The following STPG2 variants were observed in gnomAD, a reference collection of about 807,000 sequenced individuals.
The protein encoded by STPG2 is sperm tail PG-rich repeat containing 2, also known as sperm-tail PG-rich repeat-containing protein 2.
STPG2 carries 56 observed loss-of-function variants against 54.2 expected under a neutral mutation model. That is an observed-to-expected ratio of 1.03 (90% CI 0.83 to 1.29). The LOEUF (loss-of-function observed/expected upper bound fraction) is 1.29. STPG2 is among the 50% of genes most tolerant of loss of function. STPG2 has a pLI of 0.00. For synonymous variants in STPG2, 200 were observed against 181.8 expected, an observed-to-expected ratio of 1.10 and a Z score of -0.81; for missense variants, 596 against 544.9, an observed-to-expected ratio of 1.09 and a Z score of -0.93.
chr4:98,030,300 G>A (rs1408215207), intron 5 of STPG2, among the ~76,000 whole-genome samples: 1 of 152,088 alleles, frequency 6.6e-6, no homozygotes, highest in African/African-American at 2.4e-5. Flanking sequence ...AGCTCACATA[G>A]GCAAATTACA....
Position 97,813,604 on chromosome 4 carries a change from G to A in STPG2, c.1204+27169C>T, listed in dbSNP as rs896900364. Among the ~76,000 whole-genome samples, 5 of 135,036 alleles carry A rather than the reference G, an allele frequency of 3.7e-5. No individual in the cohort carries two copies. In the East Asian group the frequency reaches 1.1e-3, roughly 31 times the overall value. 88.6% of individuals were successfully genotyped at this position (135,036 alleles called of 152,430 possible). On this transcript the variant is annotated intron_variant, in intron 9 of 10. Transcript: ENST00000295268. ...TGCCTATATTCCCAGCTACTCAGGAGTCTGAAACAGGAGAATTGCTTGAGC... is the reference window on the plus strand; with the variant it reads ...TGCCTATATTCCCAGCTACTCAGGAATCTGAAACAGGAGAATTGCTTGAGC...
At chr4:97,931,429 T>C (rs1172173226) in intron 8 of STPG2, among the ~76,000 whole-genome samples, 1 of 152,226 alleles carries the variant, frequency 6.6e-6, no homozygotes, top group African/African-American at 2.4e-5. Context: ...TTTCTGAAGC[T>C]ATTGAGATAA....
At chr4:97,911,413 T>C (rs966476832) in intron 8 of STPG2, among the ~76,000 whole-genome samples, 3 of 151,894 alleles carry the variant, frequency 2.0e-5, no homozygotes, top group African/African-American at 7.3e-5. Context: ...CCAGTGGCAA[T>C]AGGTTGGAGA....
chr4:97,578,271 A>C (rs894755285), intron 10 of STPG2, among the ~76,000 whole-genome samples: 2 of 151,894 alleles, frequency 1.3e-5, no homozygotes, highest in Non-Finnish European at 2.9e-5. Context: ...CTCCCAGCTA[A>C]ATTTGTGTAT....
chr4:97,972,445 A>G lies in STPG2; in HGVS notation c.773-5T>C. ...AGACATTATAAAATCCAGGACCTAA[A>G]ATTATTAGAAGTATCATATATAAGA... On this transcript the variant is annotated splice_region_variant and splice_polypyrimidine_tract_variant and intron_variant, in intron 6 of 10. Coordinates refer to ENST00000295268, the MANE Select transcript of STPG2 (RefSeq NM_174952.3). 1.4e-6 allele frequency: 2 copies of G among 1,467,958 alleles called. No individual in the cohort carries two copies. The highest frequency in any genetic ancestry group is 1.8e-6 in the Non-Finnish European group (2 of 1,092,416). The allele number at this position is 1,467,958 out of a possible 1,614,324, so 90.9% of individuals were successfully genotyped here. A position where few individuals can be genotyped will look rare whatever the true frequency, so the allele number is the denominator to read the frequency against.
chr4:97,493,550 A>C (rs920141785), intron 4 of STPG2, among the ~76,000 whole-genome samples: 1 of 151,482 alleles, frequency 6.6e-6, no homozygotes, highest in African/African-American at 2.4e-5. Flanking sequence ...AGGGATATAC[A>C]AGTTATCACA....
chr4:97,456,756 T>A (rs2148803640), intron 4 of STPG2, among the ~76,000 whole-genome samples: 1 of 150,150 alleles, frequency 6.7e-6, no homozygotes, highest in Non-Finnish European at 1.5e-5. Context: ...ATTAGCCAGG[T>A]GTGGTGGCAG....
chr4:97,681,171 A>C (rs1462177384), intron 10 of STPG2, among the ~76,000 whole-genome samples: 1 of 151,868 alleles, frequency 6.6e-6, no homozygotes, highest in Non-Finnish European at 1.5e-5. Context: ...GATGATGAAA[A>C]TTTTTTTAAA....
chr4:97,933,661 A>T (rs1248226692), intron 8 of STPG2, among the ~76,000 whole-genome samples: 3 of 152,172 alleles, frequency 2.0e-5, no homozygotes, highest in Non-Finnish European at 4.4e-5. Context: ...TTTGTCAAAG[A>T]TCAGATGGTT....
At chr4:97,565,880 A>G (rs1382056822) in intron 10 of STPG2, among the ~76,000 whole-genome samples, 2 of 152,176 alleles carry the variant, frequency 1.3e-5, no homozygotes, top group Admixed American at 1.3e-4. Context: ...CTCAGAGGTC[A>G]GGGATCAGGG....
chr4:97,795,166 C>T (rs1727124694), intron 9 of STPG2, among the ~76,000 whole-genome samples: 2 of 152,012 alleles, frequency 1.3e-5, no homozygotes, highest in East Asian at 1.9e-4. Context: ...TGCTCCAAAA[C>T]ACATGTGTTT....
chr4:97,663,171 T>A (rs981350945), intron 10 of STPG2, among the ~76,000 whole-genome samples: 7 of 152,264 alleles, frequency 4.6e-5, no homozygotes, highest in Admixed American at 3.3e-4. Flanking sequence ...ACTGAAAAAG[T>A]TGGTGAAGTC....
chr4:97,510,915 C>G (rs1191332891), intron 4 of STPG2, among the ~76,000 whole-genome samples: 2 of 152,070 alleles, frequency 1.3e-5, no homozygotes, highest in Non-Finnish European at 2.9e-5. Context: ...CTGTACATCG[C>G]TGTGATAATG....
intron 10 of STPG2, among the ~76,000 whole-genome samples, chr4:97,570,874 G>A (rs970857227): frequency 6.6e-6 from 1 of 152,094 alleles, no homozygotes; most frequent in South Asian, 2.1e-4. Flanking sequence ...ACATATCTGT[G>A]AAATATACGC....
chr4:97,450,271 C>T (rs1462911765), intron 4 of STPG2, among the ~76,000 whole-genome samples: 1 of 152,136 alleles, frequency 6.6e-6, no homozygotes, highest in East Asian at 1.9e-4. Context: ...CTTATTCCCT[C>T]CTTCTTTTAT....
At chr4:97,865,904 C>T (rs1348916639) in intron 8 of STPG2, among the ~76,000 whole-genome samples, 4 of 151,548 alleles carry the variant, frequency 2.6e-5, no homozygotes, top group Non-Finnish European at 4.4e-5. Flanking sequence ...GAATGGAATA[C>T]TAGGTAGCCA....
At chr4:97,707,387 G>C (rs1307550090) in intron 10 of STPG2, among the ~76,000 whole-genome samples, 1 of 152,074 alleles carries the variant, frequency 6.6e-6, no homozygotes, top group Non-Finnish European at 1.5e-5. Flanking sequence ...CAGGTATGGT[G>C]GTGCGTGCTT....
intron 10 of STPG2, among the ~76,000 whole-genome samples, chr4:97,633,243 C>CT (rs766254218): frequency 2.6e-5 from 4 of 152,008 alleles, no homozygotes; most frequent in Non-Finnish European, 5.9e-5. Flanking sequence ...AAATACAAAA[C>CT]TTTAACGTTT....
chr4:97,552,823 T>C (rs571475339), intron 4 of STPG2, among the ~76,000 whole-genome samples: 15 of 152,260 alleles, frequency 9.9e-5, no homozygotes, highest in African/African-American at 3.6e-4. Flanking sequence ...TCTCAATGCA[T>C]CCGAGCAGTT....
Sources: allele counts gnomAD v4.1 joint callset (sites outside exome capture counted in the v4.1 genomes callset), GRCh38; gene constraint gnomAD v4.1.1; transcripts MANE v1.5; gene names NCBI Gene and HGNC (gene_info 2026-07-23, HGNC 2026-07-21).